LINGO4: variants seen among roughly 807,000 people sequenced by gnomAD.
The protein encoded by LINGO4 is leucine-rich repeat and immunoglobulin-like domain-containing nogo receptor-interacting protein 4.
A neutral mutation model predicts 27.9 loss-of-function variants in LINGO4; 22 were observed. The ratio of observed to expected loss-of-function variants is 0.79; its 90% CI spans 0.56 to 1.13. The LOEUF (loss-of-function observed/expected upper bound fraction) is 1.13, where lower values mean the gene tolerates loss of function less well. Ranked by LOEUF, LINGO4 falls within the 50% of genes most tolerant of loss-of-function variation. The pLI is 0.00. For synonymous variants in LINGO4, 306 were observed against 325.8 expected, an observed-to-expected ratio of 0.94 and a Z score of 0.65; for missense variants, 706 against 739.4, an observed-to-expected ratio of 0.95 and a Z score of 0.52.
intron 1 of LINGO4, among the ~76,000 whole-genome samples, chr1:151,804,927 A>T (rs560105658): frequency 6.6e-6 from 1 of 152,230 alleles, no homozygotes; most frequent in Admixed American, 6.5e-5. Context: ...GTGTGGGGAG[A>T]GGGTTCCTGG....
intron 1 of LINGO4, among the ~76,000 whole-genome samples, chr1:151,804,476 C>A (rs550929749): frequency 7.2e-5 from 11 of 152,362 alleles, no homozygotes; most frequent in African/African-American, 2.6e-4. Context: ...GGGAAGTCCA[C>A]CTGACAGCTA....
Position 151,801,510 on chromosome 1 carries a change from A to G in LINGO4, c.1195T>C (p.Phe399Leu), listed in dbSNP as rs776269315. The stretch of plus-strand genomic sequence containing the variant: ...TGCCCTGGAGGCAGGATGTCTGAAA[A>G]CTCCTTCAGGCTCTTCCCCTGGACA... ...HHVQGKSLKE[F>L]SDILPPGHFT... Residue 399 changes from phenylalanine (F) to leucine (L), a missense_variant, in exon 2 of 2, where the codon TTT becomes CTT. Transcript: ENST00000368820. This position sits in a 1 kb window ranked among gnomAD's most constrained non-coding sequence, Gnocchi z 5.7. 22 of 1,612,610 alleles carry G rather than the reference A, an allele frequency of 1.4e-5. No individual in the cohort carries two copies. The highest frequency in any genetic ancestry group is 2.5e-6 in the Non-Finnish European group (3 of 1,179,658).
At position 151,801,181 on chromosome 1, in the gene LINGO4, G is replaced by A. The variant is rs751136248; in HGVS notation, c.1524C>T (p.Asn508=). 70 of 1,614,092 alleles carry A rather than the reference G, an allele frequency of 4.3e-5. No homozygotes were observed. The highest frequency in any genetic ancestry group is 3.3e-4 in the Middle Eastern group (2 of 6,084). Residue 508 remains asparagine, a synonymous_variant, in exon 2 of 2, where the codon AAC becomes AAT. Coordinates refer to ENST00000368820, the MANE Select transcript of LINGO4 (RefSeq NM_001004432.4). The surrounding 1 kb of genome is among the most constrained non-coding windows in gnomAD (Gnocchi z 5.7). ...TGATGTTGGGGTCAGAAAGTGTGCCGTTTGGTGGTTCCACCTGGATGACTT... is the reference window on the plus strand; with the variant it reads ...TGATGTTGGGGTCAGAAAGTGTGCCATTTGGTGGTTCCACCTGGATGACTT... ...WLEVIQVEPP[N]GTLSDPNITV... is the part of the protein sequence containing the mutation.
In LINGO4 at chr1:151,802,631, C is replaced by T. The variant is rs1651188189; in HGVS notation, c.74G>A (p.Gly25Glu). ...AGCAGGGCAGCTGCCACCGCTCCCT[C>T]CAGGTAGGAGGAGGAGGAAAAGGAG... is the stretch of plus-strand genomic sequence containing the variant. ...PPLLFLLLLPGGSGGSCPAVC... is the reference protein window; with the variant it reads ...PPLLFLLLLPEGSGGSCPAVC... Residue 25 changes from glycine to glutamate, a missense_variant, in exon 2 of 2, where the codon GGA (glycine) becomes GAA (glutamate). Gly to Glu is a moderately conservative substitution (Grantham distance 98). Coordinates refer to ENST00000368820, the MANE Select transcript of LINGO4 (RefSeq NM_001004432.4). The T allele has an allele frequency of 6.3e-7, 1 of 1,586,818 alleles. No homozygotes were observed. Among genetic ancestry groups the T allele is most frequent in the African/African-American group, 1.3e-5 (1 of 74,304 alleles).
intron 1 of LINGO4, among the ~76,000 whole-genome samples, chr1:151,804,163 TAA>T (rs909860136): frequency 1.3e-5 from 2 of 152,114 alleles, no homozygotes; most frequent in Non-Finnish European, 2.9e-5. Flanking sequence ...AGAGGCAGTT[TAA>T]GAGATGGTCA....
chr1:151,801,556 A>AG lies in LINGO4; in HGVS notation c.1148dup (p.Ala384CysfsTer104), dbSNP rs749383652. 6.3e-5 allele frequency: 101 copies of AG among 1,613,524 alleles called. No homozygotes were observed. Among genetic ancestry groups the AG allele is most frequent in the African/African-American group, 1.7e-4 (13 of 74,938 alleles). On this transcript the variant is annotated frameshift_variant, in exon 2 of 2. Coordinates refer to ENST00000368820, the MANE Select transcript of LINGO4 (RefSeq NM_001004432.4). LOFTEE classifies it high-confidence loss of function. The surrounding 1 kb of genome is among the most constrained non-coding windows in gnomAD (Gnocchi z 5.7). ...GGACATGATGGGGGCCAGCACAGGC[A>AG]GGGGGGGACATGCCAAAGTCCAGGT...
chr1:151,802,229 T>C lies in LINGO4; in HGVS notation c.476A>G (p.Gln159Arg). 1 of 1,614,186 alleles carries C rather than the reference T, an allele frequency of 6.2e-7. No individual in the cohort carries two copies. The highest frequency in any genetic ancestry group is 1.1e-5 in the South Asian group (1 of 91,082). The change falls in exon 2 of 2, where the codon CAG (glutamine) becomes CGG (arginine). Residue 159 changes from glutamine (Q) to arginine (R), a missense_variant. By Grantham distance (43) the Gln-to-Arg change is conservative. Coordinates refer to ENST00000368820, the MANE Select transcript of LINGO4 (RefSeq NM_001004432.4). Reference sequence around the variant, plus strand: ...GTGGTTGTCCCCAACCTCCAGCTTCTGGAGGCTGCCTAGCTCCCCAAAAGC... The same window carrying C: ...GTGGTTGTCCCCAACCTCCAGCTTCCGGAGGCTGCCTAGCTCCCCAAAAGC... ...DGAFGELGSLQKLEVGDNHLV... is the reference protein window; with the variant it reads ...DGAFGELGSLRKLEVGDNHLV...
Position 151,802,291 on chromosome 1 carries a change from G to T in LINGO4, c.414C>A (p.Asp138Glu). Residue 138 changes from aspartate (D) to glutamate (E), a missense_variant, in exon 2 of 2, where the codon GAC (aspartate) becomes GAA (glutamate). Coordinates refer to ENST00000368820, the MANE Select transcript of LINGO4 (RefSeq NM_001004432.4). Reference sequence around the variant, plus strand: ...AGAGAACAATCTGGTTGAGGCGGAGGTCCAGCAGGGTCAGAGCAGAGAGGC... The same window carrying T: ...AGAGAACAATCTGGTTGAGGCGGAGTTCCAGCAGGGTCAGAGCAGAGAGGC... Reference protein sequence around the residue: ...FSGLSALTLLDLRLNQIVLFL... With the variant: ...FSGLSALTLLELRLNQIVLFL... The T allele has an allele frequency of 6.2e-7, 1 of 1,614,206 alleles. No individual in the cohort carries two copies. The highest frequency in any genetic ancestry group is 8.5e-7 in the Non-Finnish European group (1 of 1,180,042).
At chr1:151,803,505 G>A (rs1262713609) in intron 1 of LINGO4, among the ~76,000 whole-genome samples, 4 of 152,256 alleles carry the variant, frequency 2.6e-5, no homozygotes, top group Non-Finnish European at 4.4e-5. Context: ...AAGTTGGGGT[G>A]TGTGAGAGAC....
rs777023281 is a variant in LINGO4, at chr1:151,802,021, C to G, written c.684G>C (p.Gly228=). 2.5e-6 allele frequency: 4 copies of G among 1,614,110 alleles called. No individual in the cohort carries two copies. Among genetic ancestry groups the G allele is most frequent in the African/African-American group, 1.3e-5 (1 of 75,038 alleles). Residue 228 remains glycine, a synonymous_variant, in exon 2 of 2, where the codon GGG becomes GGC. Transcript: ENST00000368820. ...RLPAGALRGL[G]QLKELEIHLW... ...GGTGGATCTCCAGCTCCTTGAGCTG[C>G]CCCAGCCCCCGCAGGGCCCCAGCTG...
In LINGO4 at chr1:151,802,410, G is replaced by A. The variant is rs1651180784; in HGVS notation, c.295C>T (p.Leu99Phe). The stretch of plus-strand genomic sequence containing the variant: ...AGGCCATGGAAGGCCCCAGGCTCAA[G>A]GGTTGAGAGCTGGTTGTAGCTGAGG... ...LDLSYNQLST[L>F]EPGAFHGLQS... The change falls in exon 2 of 2, where the codon CTT becomes TTT. Residue 99 changes from leucine (L) to phenylalanine (F), a missense_variant. By Grantham distance (22) the Leu-to-Phe change is conservative (BLOSUM62 0). Coordinates refer to ENST00000368820, the MANE Select transcript of LINGO4 (RefSeq NM_001004432.4). 1.9e-6 allele frequency: 3 copies of A among 1,614,244 alleles called. No homozygotes were observed. Among genetic ancestry groups the A allele is most frequent in the African/African-American group, 1.3e-5 (1 of 75,064 alleles).
In LINGO4 at chr1:151,801,543, G is replaced by A. The variant is rs748319114; in HGVS notation, c.1162C>T (p.Pro388Ser). The change falls in exon 2 of 2, where the codon CCC becomes TCC. Residue 388 changes from proline to serine, a missense_variant. Pro to Ser is a moderately conservative substitution (Grantham distance 74, BLOSUM62 -1). Transcript: ENST00000368820. This position sits in a 1 kb window ranked among gnomAD's most constrained non-coding sequence, Gnocchi z 5.7. ...AGGCTCTTCCCCTGGACATGATGGG[G>A]GCCAGCACAGGCAGGGGGGGACATG... ...FGMSPPACAGPHHVQGKSLKE... is the reference protein window; with the variant it reads ...FGMSPPACAGSHHVQGKSLKE... 8 of 1,613,866 alleles carry A rather than the reference G, an allele frequency of 5.0e-6. No individual in the cohort carries two copies. The highest frequency in any genetic ancestry group is 6.8e-6 in the Non-Finnish European group (8 of 1,179,996).
In LINGO4 at chr1:151,802,719, T is replaced by C; in HGVS notation, c.-13-2A>G. ...GCTGCATCCATTCCCTCTTCAGTCC[T>C]GGAATAGATGATGACATGGCCCTTT... On this transcript the variant is annotated splice_acceptor_variant, in intron 1 of 1. Transcript: ENST00000368820. LOFTEE classifies it low-confidence loss of function (5UTR_SPLICE). The C allele has an allele frequency of 2.0e-6, 3 of 1,473,126 alleles. No homozygotes were observed. Among genetic ancestry groups the C allele is most frequent in the Middle Eastern group, 1.8e-4 (1 of 5,478 alleles). The allele number at this position is 1,473,126 out of a possible 1,614,324, so 91.3% of individuals were successfully genotyped here.
In LINGO4 at chr1:151,800,701, G is replaced by C; in HGVS notation, c.*222C>G. The C allele has an allele frequency of 1.9e-6, 1 of 529,754 alleles. No individual in the cohort carries two copies. The highest frequency in any genetic ancestry group is 3.3e-6 in the Non-Finnish European group (1 of 300,416). 32.8% of individuals were successfully genotyped at this position (529,754 alleles called of 1,614,324 possible). On this transcript the variant is annotated 3_prime_UTR_variant, in exon 2 of 2. Transcript: ENST00000368820. ...AGGGGCTGGACTAACGACGGGGTCT[G>C]CATCTGCAGCTCCCTGGGACCCTCA... is the stretch of plus-strand genomic sequence containing the variant.
rs971429285 is a variant in LINGO4, at chr1:151,801,105, T to C, written c.1600A>G (p.Met534Val). 3 of 1,614,038 alleles carry C rather than the reference T, an allele frequency of 1.9e-6. No homozygotes were observed. Among genetic ancestry groups the C allele is most frequent in the East Asian group, 2.2e-5 (1 of 44,884 alleles). Residue 534 changes from methionine to valine, a missense_variant, in exon 2 of 2, where the codon ATG (methionine) becomes GTG (valine). Met to Val is a conservative substitution (Grantham distance 21, BLOSUM62 1). Coordinates refer to ENST00000368820, the MANE Select transcript of LINGO4 (RefSeq NM_001004432.4). The surrounding 1 kb of genome is among the most constrained non-coding windows in gnomAD (Gnocchi z 5.7). ...GGGAGGAAGCCGACTGCCAGCACCATGGCCACACCTCTGCTATCCAGAAAA... is the reference window on the plus strand; with the variant it reads ...GGGAGGAAGCCGACTGCCAGCACCACGGCCACACCTCTGCTATCCAGAAAA... ...PFFLDSRGVA[M>V]VLAVGFLPFL... is the part of the protein sequence containing the mutation.
Position 151,801,919 on chromosome 1 carries a change from G to A in LINGO4, c.786C>T (p.Cys262=), listed in dbSNP as rs769036572. The change falls in exon 2 of 2, where the codon TGC becomes TGT. Residue 262 remains cysteine, a synonymous_variant. Coordinates refer to ENST00000368820, the MANE Select transcript of LINGO4 (RefSeq NM_001004432.4). This position sits in a 1 kb window ranked among gnomAD's most constrained non-coding sequence, Gnocchi z 5.7. ...LNLSSLAITR[C]NLSSVPFQAL... ...CTTGGAAGGGCACCGAGCTCAGATT[G>A]CAGCGAGTGATGGCCAGGCTGCTGA... 1.2e-6 allele frequency: 2 copies of A among 1,614,246 alleles called. No homozygotes were observed. Among genetic ancestry groups the A allele is most frequent in the East Asian group, 4.5e-5 (2 of 44,892 alleles).
intron 1 of LINGO4, among the ~76,000 whole-genome samples, chr1:151,803,733 G>A (rs1396307153): frequency 6.6e-6 from 1 of 152,254 alleles, no homozygotes; most frequent in East Asian, 1.9e-4. Context: ...ACCAAGTGCT[G>A]TAGGATGGGG....
Position 151,801,049 on chromosome 1 carries a change from G to A in LINGO4, c.1656C>T (p.Gly552=). Residue 552 remains glycine (G), a synonymous_variant, in exon 2 of 2, where the codon GGC becomes GGT. Transcript: ENST00000368820. This position sits in a 1 kb window ranked among gnomAD's most constrained non-coding sequence, Gnocchi z 5.7. ...PFLTSVTLCF[G]LIALWSKGKG... is the part of the protein sequence containing the mutation. The stretch of plus-strand genomic sequence containing the variant: ...TGCCCTTGCTCCAAAGGGCAATCAG[G>A]CCAAAGCAGAGGGTCACTGAGGTGA... 6.2e-7 allele frequency: 1 copy of A among 1,614,168 alleles called. No homozygotes were observed. Among genetic ancestry groups the A allele is most frequent in the South Asian group, 1.1e-5 (1 of 91,076 alleles).
chr1:151,804,545 G>T (rs1203878280), intron 1 of LINGO4, among the ~76,000 whole-genome samples: 1 of 152,234 alleles, frequency 6.6e-6, no homozygotes. Flanking sequence ...CAGCAAAAGT[G>T]CAGTGAAGCA....
Sources: gnomAD v4.1 joint callset for allele counts (sites outside exome capture counted in the v4.1 genomes callset) on GRCh38, gnomAD v4.1.1 for gene constraint, Gnocchi (gnomAD v3.1) non-coding constraint, MANE v1.5 for transcripts, NCBI Gene and HGNC (gene_info 2026-07-23, HGNC 2026-07-21) for gene names.